Variants in ATXN1 observed in about 807,000 individuals in gnomAD.
ATXN1 encodes the protein ataxin 1.
A neutral mutation model predicts 56.4 loss-of-function variants in ATXN1; 8 were observed. The observed-to-expected ratio is 0.14, with a 90% CI of 0.08 to 0.26. The LOEUF (loss-of-function observed/expected upper bound fraction) is 0.26. ATXN1 is among the 10% of genes least tolerant of loss of function. The pLI is 1.00. For synonymous variants in ATXN1, 514 were observed against 494.6 expected (o/e 1.04, Z -0.52); for missense variants, 987 against 1,106.5 (o/e 0.89, Z 1.53).
At chr6:16,653,124 C>T (rs900333349) in intron 3 of ATXN1, 2 of 152,318 alleles carry the variant, frequency 1.3e-5, no homozygotes, top group Non-Finnish European at 2.9e-5. Context: ...GCTAGCTAAG[C>T]TTCTGTGAGT....
At chr6:16,487,522 T>C (rs1760573374) in intron 5 of ATXN1, among the ~76,000 whole-genome samples, 1 of 152,186 alleles carries the variant, frequency 6.6e-6, no homozygotes, top group South Asian at 2.1e-4. Context: ...TAACCATCAC[T>C]TTCATAATGA....
At chr6:16,541,459 C>T (rs185762056) in intron 4 of ATXN1, among the ~76,000 whole-genome samples, 8 of 152,246 alleles carry the variant, frequency 5.3e-5, no homozygotes, top group East Asian at 1.9e-4. Context: ...TTTTCAGTCC[C>T]GAGGGCTGAT....
intron 6 of ATXN1, among the ~76,000 whole-genome samples, chr6:16,348,514 T>C (rs1761490049): frequency 6.6e-6 from 1 of 151,872 alleles, no homozygotes; most frequent in African/African-American, 2.4e-5. Flanking sequence ...GCCTGGTCAA[T>C]GTGGCAAAGC....
chr6:16,558,696 T>TA (rs1561754400), intron 4 of ATXN1, among the ~76,000 whole-genome samples: 1 of 151,882 alleles, frequency 6.6e-6, no homozygotes, highest in South Asian at 2.1e-4. Flanking sequence ...AAAATACTAA[T>TA]AAAAAATACG....
chr6:16,460,587 C>T (rs192603236), intron 6 of ATXN1, among the ~76,000 whole-genome samples: 16 of 152,338 alleles, frequency 1.1e-4, no homozygotes, highest in Admixed American at 3.3e-4. Context: ...GAAATACACA[C>T]GTGTGCAGCC....
chr6:16,336,406 T>G (rs767042943), intron 6 of ATXN1, among the ~76,000 whole-genome samples: 27 of 152,118 alleles, frequency 1.8e-4, no homozygotes, highest in South Asian at 2.1e-4. Flanking sequence ...CTGCAGCTGG[T>G]GAGACGTTCA....
At chr6:16,591,948 A>T (rs553537396) in intron 3 of ATXN1, among the ~76,000 whole-genome samples, 7 of 152,286 alleles carry the variant, frequency 4.6e-5, no homozygotes, top group African/African-American at 1.7e-4. Flanking sequence ...AAACTATTTT[A>T]AAAAATAGTC....
intron 4 of ATXN1, among the ~76,000 whole-genome samples, chr6:16,566,650 A>G (rs236943): frequency 0.15 from 23,363 of 151,920 alleles, 2,340 homozygotes; most frequent in East Asian, 0.42. Context: ...TCAGGAGATC[A>G]AGACCATCCT....
intron 2 of ATXN1, among the ~76,000 whole-genome samples, chr6:16,749,059 A>G (rs948366564): frequency 6.6e-6 from 1 of 152,224 alleles, no homozygotes; most frequent in Non-Finnish European, 1.5e-5. Flanking sequence ...TTGTTCAAAG[A>G]GCTGTGTCTA....
At chr6:16,652,544 ACT>A in intron 3 of ATXN1, among the ~76,000 whole-genome samples, 1 of 152,182 alleles carries the variant, frequency 6.6e-6, no homozygotes, top group Non-Finnish European at 1.5e-5. Flanking sequence ...AAAATCCTGT[ACT>A]CTATAATTTT....
intron 2 of ATXN1, among the ~76,000 whole-genome samples, chr6:16,658,190 T>TG (rs902967820): frequency 6.6e-6 from 1 of 152,118 alleles, no homozygotes; most frequent in Non-Finnish European, 1.5e-5. Context: ...GGAATGCACT[T>TG]GCAAAATTTC....
chr6:16,380,187 A>T (rs1762222562), intron 6 of ATXN1, among the ~76,000 whole-genome samples: 1 of 152,200 alleles, frequency 6.6e-6, no homozygotes, highest in Non-Finnish European at 1.5e-5. Context: ...CCCTCTGCTT[A>T]GAACAGAAGC....
intron 5 of ATXN1, among the ~76,000 whole-genome samples, chr6:16,489,953 G>A (rs1439391261): frequency 6.6e-6 from 1 of 152,100 alleles, no homozygotes; most frequent in East Asian, 1.9e-4. Context: ...CAAGTTCCCA[G>A]GTGATGCTGA....
chr6:16,515,162 C>T (rs1761156899), intron 5 of ATXN1, among the ~76,000 whole-genome samples: 1 of 152,028 alleles, frequency 6.6e-6, no homozygotes, highest in Non-Finnish European at 1.5e-5. Context: ...CCACATCGGT[C>T]CCTTTGTAAC....
Position 16,306,589 on chromosome 6 carries a change from T to C in ATXN1, c.2188A>G (p.Ile730Val), listed in dbSNP as rs146831513. The C allele has an allele frequency of 1.3e-4, 204 of 1,614,082 alleles. 2 individuals are homozygous for C. Among genetic ancestry groups the C allele is most frequent in the Non-Finnish European group, 2.4e-5 (28 of 1,180,034 alleles). Residue 730 changes from isoleucine (I) to valine (V), a missense_variant, in exon 8 of 8, where the codon ATC (isoleucine) becomes GTC (valine). Ile to Val is a conservative substitution (Grantham distance 29, BLOSUM62 3). Around this residue, in one of 3 missense-constraint regions of ATXN1, gnomAD observed 196 missense variants for 196.7 expected, o/e 1.00. Transcript: ENST00000436367. The surrounding 1 kb of genome is among the most constrained non-coding windows in gnomAD (Gnocchi z 5.2). ...RHRYAEQENG[I>V]NQGSAQMLSE... ...AGCATCTGGGCACTCCCCTGGTTGA[T>C]TCCGTTTTCCTGCTCGGCATACCTG...
At position 16,619,153 on chromosome 6, in the gene ATXN1, T is replaced by C. The variant is rs553816154; in HGVS notation, c.-488-33246A>G. On this transcript the variant is annotated intron_variant, in intron 3 of 7. Transcript: ENST00000436367. ...TTTTTTTTTTAATTACAGTACTTAG[T>C]GTTGTCCAGAGTGCAGACACATGAA... Among the ~76,000 whole-genome samples the C allele has an allele frequency of 5.9e-5, 9 of 152,182 alleles. No homozygotes were observed. The South Asian group carries it at 1.9e-3, about 32-fold the overall frequency.
rs190533784 is a variant in ATXN1 at position 16,581,652 on chromosome 6, T to G, written c.-361+4128A>C. 5.3e-5 allele frequency among the ~76,000 whole-genome samples: 8 copies of G among 152,252 alleles called. No individual in the cohort carries two copies. In the East Asian group the frequency reaches 1.5e-3, roughly 29 times the overall value. Reference sequence around the variant, plus strand: ...GGGGCTATTATTTAGATCTGGAACCTAAAATCTGTTTAAAGTGAACTAAAT... The same window carrying G: ...GGGGCTATTATTTAGATCTGGAACCGAAAATCTGTTTAAAGTGAACTAAAT... On this transcript the variant is annotated intron_variant, in intron 4 of 7. Transcript: ENST00000436367.
At chr6:16,484,124 C>T (rs1410886295) in intron 6 of ATXN1, among the ~76,000 whole-genome samples, 1 of 152,092 alleles carries the variant, frequency 6.6e-6, no homozygotes, top group Non-Finnish European at 1.5e-5. Context: ...AACCAAGATG[C>T]TGATTGCTTA....
chr6:16,696,967 T>C (rs561250324), intron 2 of ATXN1, among the ~76,000 whole-genome samples: 24 of 152,324 alleles, frequency 1.6e-4, no homozygotes, highest in African/African-American at 5.5e-4. Context: ...AACATGGTAG[T>C]TCCATCAGTA....
Sources: gnomAD v4.1 joint callset for allele counts (sites outside exome capture counted in the v4.1 genomes callset) on GRCh38, gnomAD v4.1.1 for gene constraint, gnomAD v4.1.1 regional missense constraint, Gnocchi (gnomAD v3.1) non-coding constraint, MANE v1.5 for transcripts, NCBI Gene and HGNC (gene_info 2026-07-23, HGNC 2026-07-21) for gene names.